DUSP13B: variants seen among roughly 807,000 people sequenced by gnomAD.
The protein encoded by DUSP13B is dual specificity protein phosphatase 13B.
At chr10:75,097,607 G>A in the DUSP13B span, 290 of 1,104,026 alleles carry the variant, frequency 2.6e-4, no homozygotes, top group Non-Finnish European at 3.4e-4. Context: ...GGAGGCAAGC[G>A]TGCCACCTCT....
At chr10:75,104,237 C>A in the DUSP13B span, 9 of 460,994 alleles carry the variant, frequency 2.0e-5, no homozygotes, top group Non-Finnish European at 3.3e-5. Flanking sequence ...GTGAGTGCAG[C>A]TGCTGGGAGA....
the DUSP13B span, among the ~76,000 whole-genome samples, chr10:75,095,212 C>T: frequency 2.0e-5 from 3 of 152,188 alleles, no homozygotes; most frequent in African/African-American, 7.2e-5. Flanking sequence ...CCATCTACCT[C>T]CCTTTCCCCC....
chr10:75,099,464 G>C, the DUSP13B span: 5 of 1,232,504 alleles, frequency 4.1e-6, no homozygotes, highest in South Asian at 4.1e-5. Flanking sequence ...TGGGGGAGTG[G>C]GTGCAGGGGC....
chr10:75,098,962 G>T, the DUSP13B span: 3 of 1,231,332 alleles, frequency 2.4e-6, no homozygotes, highest in Admixed American at 4.2e-5. Context: ...TAACCCATCT[G>T]CTTCCTCAAG....
At chr10:75,103,142 G>C in the DUSP13B span, among the ~76,000 whole-genome samples, 1 of 152,218 alleles carries the variant, frequency 6.6e-6, no homozygotes, top group Non-Finnish European at 1.5e-5. Context: ...GGGTATTATA[G>C]AAGAAGGGCA....
At chr10:75,099,449 G>A in the DUSP13B span, 56 of 1,232,454 alleles carry the variant, frequency 4.5e-5, no homozygotes, top group Non-Finnish European at 5.3e-5. Context: ...GCCTGGGGCC[G>A]GGAATGGGGG....
chr10:75,105,780 C>A, the DUSP13B span: 1 of 1,551,288 alleles, frequency 6.4e-7, no homozygotes, highest in Non-Finnish European at 8.7e-7. Context: ...CCGCCTGGCG[C>A]AGGGACAGCC....
chr10:75,106,329 G>C, the DUSP13B span, among the ~76,000 whole-genome samples: 1 of 151,874 alleles, frequency 6.6e-6, no homozygotes, highest in Non-Finnish European at 1.5e-5. Context: ...GAAACATGGA[G>C]GAACTTGCAG....
the DUSP13B span, chr10:75,095,918 C>A: frequency 3.4e-6 from 3 of 890,184 alleles, no homozygotes; most frequent in East Asian, 2.6e-5. Flanking sequence ...CAAGAGCCTG[C>A]AAATTGGCCC....
chr10:75,094,910 C>G, the DUSP13B span: 11 of 1,604,370 alleles, frequency 6.9e-6, no homozygotes, highest in African/African-American at 6.7e-5. Flanking sequence ...CATCAGCTAC[C>G]TGCCCTTGAA....
chr10:75,099,301 C>G, the DUSP13B span: 1 of 1,232,350 alleles, frequency 8.1e-7, no homozygotes, highest in Non-Finnish European at 1.0e-6. Flanking sequence ...AACAGGCACC[C>G]AGGAGGCTGC....
chr10:75,095,726 G>A, the DUSP13B span: 3 of 1,614,244 alleles, frequency 1.9e-6, no homozygotes, highest in Non-Finnish European at 2.5e-6. Context: ...CCTGGAACTT[G>A]CCTGCAGCGG....
the DUSP13B span, chr10:75,095,739 T>C: frequency 1.2e-6 from 2 of 1,614,012 alleles, no homozygotes; most frequent in Non-Finnish European, 1.7e-6. Flanking sequence ...TGCAGCGGCA[T>C]TCACAACGTG....
the DUSP13B span, chr10:75,108,293 G>A: frequency 6.6e-7 from 1 of 1,506,792 alleles, no homozygotes; most frequent in South Asian, 1.3e-5. Flanking sequence ...GCTGCAGAGG[G>A]ACCGAGCCAT....
chr10:75,108,355 C>T, the DUSP13B span: 1 of 1,404,140 alleles, frequency 7.1e-7, no homozygotes, highest in Non-Finnish European at 9.3e-7. Context: ...GGTCTGACTC[C>T]ACAGCCCTAT....
the DUSP13B span, among the ~76,000 whole-genome samples, chr10:75,106,336 G>A: frequency 1.3e-5 from 2 of 151,756 alleles, no homozygotes; most frequent in African/African-American, 2.4e-5. Flanking sequence ...GGAGGAACTT[G>A]CAGTTCCTTG....
the DUSP13B span, among the ~76,000 whole-genome samples, chr10:75,096,865 C>A: frequency 6.6e-6 from 1 of 152,202 alleles, no homozygotes; most frequent in African/African-American, 2.4e-5. Flanking sequence ...GTGGCATAAT[C>A]ATATGATGAC....
the DUSP13B span, chr10:75,094,826 G>A: frequency 1.9e-6 from 3 of 1,614,216 alleles, no homozygotes; most frequent in Non-Finnish European, 2.5e-6. Context: ...GGAAGGCCAG[G>A]ACAAGTGTGG....
chr10:75,105,846 C>T, the DUSP13B span: 1 of 1,550,462 alleles, frequency 6.4e-7, no homozygotes, highest in South Asian at 1.2e-5. Context: ...TCACGCCCAC[C>T]ACACAGTGCA....
Sources: gnomAD v4.1 joint callset for allele counts (sites outside exome capture counted in the v4.1 genomes callset) on GRCh38, gnomAD v4.1.1 for gene constraint, MANE v1.5 for transcripts, NCBI Gene and HGNC (gene_info 2026-07-23, HGNC 2026-07-21) for gene names.